The following LRMDA variants were observed in gnomAD, a reference collection of about 807,000 sequenced individuals.
LRMDA encodes leucine-rich melanocyte differentiation-associated protein.
Under a neutral mutation model 29.8 loss-of-function variants are expected in LRMDA, and 18 were observed. The ratio of observed to expected loss-of-function variants is 0.60; its 90% CI spans 0.42 to 0.90. LRMDA has a LOEUF of 0.90. LRMDA is among the 40% of genes least tolerant of loss of function. LRMDA has a pLI of 0.00. For missense variants in LRMDA, 273 were observed against 273.9 expected (o/e 1.00, Z 0.02); for synonymous variants, 125 against 109.4 (o/e 1.14, Z -0.89).
At chr10:76,261,936 A>G (rs1425126488) in intron 5 of LRMDA, among the ~76,000 whole-genome samples, 2 of 152,206 alleles carry the variant, frequency 1.3e-5, no homozygotes, top group Non-Finnish European at 2.9e-5. Flanking sequence ...TTAGTGGGGA[A>G]GAAAATTGTT....
chr10:75,531,827 A>G (rs1269521833), intron 2 of LRMDA, among the ~76,000 whole-genome samples: 1 of 151,788 alleles, frequency 6.6e-6, no homozygotes, highest in Non-Finnish European at 1.5e-5. Context: ...TAATCCCAGC[A>G]CTTTGTGGGG....
Position 75,589,764 on chromosome 10 carries a change from A to AT in LRMDA, c.131+151270_131+151271insT, listed in dbSNP as rs1367449897. On this transcript the variant is annotated intron_variant, in intron 2 of 6. Coordinates refer to ENST00000611255, the MANE Select transcript of LRMDA (RefSeq NM_001305581.2). ...GGGAGATAGAGACCCTGTCTAAAAA[A>AT]AATATATATATATAGAGAGAGAGAG... Among the ~76,000 whole-genome samples the AT allele has an allele frequency of 4.2e-4, 36 of 86,520 alleles. 1 individual carries two copies. The East Asian group carries it at 7.1e-3, about 17-fold the overall frequency. The allele number at this position is 86,520 out of a possible 152,430, so 56.8% of individuals were successfully genotyped here. A position where few individuals can be genotyped will look rare whatever the true frequency, so the allele number is the denominator to read the frequency against.
At chr10:76,315,408 C>G (rs1187057904) in intron 5 of LRMDA, among the ~76,000 whole-genome samples, 1 of 152,218 alleles carries the variant, frequency 6.6e-6, no homozygotes, top group South Asian at 2.1e-4. Flanking sequence ...AGCCCCTGCC[C>G]CAGCGGGCTT....
At chr10:75,836,129 G>T (rs1844431985) in intron 2 of LRMDA, among the ~76,000 whole-genome samples, 1 of 152,184 alleles carries the variant, frequency 6.6e-6, no homozygotes, top group Non-Finnish European at 1.5e-5. Flanking sequence ...GTTCTCTAGG[G>T]TGGAAGTTAT....
At chr10:76,199,869 A>T (rs969590252) in intron 5 of LRMDA, among the ~76,000 whole-genome samples, 1 of 152,234 alleles carries the variant, frequency 6.6e-6, no homozygotes, top group African/African-American at 2.4e-5. Flanking sequence ...TGTGATGCAC[A>T]TTGAAACCTC....
At chr10:75,949,164 A>G (rs991335236) in intron 2 of LRMDA, among the ~76,000 whole-genome samples, 1 of 152,206 alleles carries the variant, frequency 6.6e-6, no homozygotes, top group African/African-American at 2.4e-5. Context: ...AAAAGACCTT[A>G]GGTGAGTTGG....
intron 2 of LRMDA, among the ~76,000 whole-genome samples, chr10:75,765,367 G>A (rs747417417): frequency 1.3e-4 from 20 of 152,136 alleles, no homozygotes; most frequent in Admixed American, 7.2e-4. Context: ...CTTTATTCAG[G>A]CAGCTCAGCA....
chr10:75,617,869 G>A (rs1489687899), intron 2 of LRMDA, among the ~76,000 whole-genome samples: 1 of 152,218 alleles, frequency 6.6e-6, no homozygotes, highest in Non-Finnish European at 1.5e-5. Context: ...CTAGGGTGGA[G>A]TAAGCAGTAG....
At chr10:75,830,785 C>G (rs1023435188) in intron 2 of LRMDA, among the ~76,000 whole-genome samples, 2 of 152,186 alleles carry the variant, frequency 1.3e-5, no homozygotes, top group African/African-American at 4.8e-5. Context: ...CATTTCAAAG[C>G]CAACCATGCC....
intron 2 of LRMDA, among the ~76,000 whole-genome samples, chr10:75,644,222 C>T (rs1841488243): frequency 6.6e-6 from 1 of 152,112 alleles, no homozygotes; most frequent in Admixed American, 6.5e-5. Flanking sequence ...AAATCATCAC[C>T]TTTGGCAGTG....
intron 6 of LRMDA, among the ~76,000 whole-genome samples, chr10:76,374,979 C>T (rs1035624105): frequency 1.3e-5 from 2 of 152,156 alleles, no homozygotes; most frequent in African/African-American, 4.8e-5. Flanking sequence ...TAAAAACAAG[C>T]TAGATTTAGC....
chr10:75,820,200 C>G (rs1451692499), intron 2 of LRMDA, among the ~76,000 whole-genome samples: 1 of 152,202 alleles, frequency 6.6e-6, no homozygotes, highest in East Asian at 1.9e-4. Flanking sequence ...ACCACAGAAT[C>G]TACATTCTTT....
intron 5 of LRMDA, among the ~76,000 whole-genome samples, chr10:76,320,412 C>CT (rs1201309091): frequency 4.6e-5 from 7 of 152,134 alleles, no homozygotes; most frequent in Non-Finnish European, 7.4e-5. Context: ...CCATCATCTG[C>CT]TTTTTTCTAT....
chr10:76,129,596 C>T (rs1954978864), intron 5 of LRMDA, among the ~76,000 whole-genome samples: 1 of 152,116 alleles, frequency 6.6e-6, no homozygotes, highest in African/African-American at 2.4e-5. Context: ...ATACCCAGAA[C>T]CACTGTTCAC....
At chr10:75,491,610 T>C (rs1844988254) in intron 2 of LRMDA, among the ~76,000 whole-genome samples, 1 of 152,174 alleles carries the variant, frequency 6.6e-6, no homozygotes, top group African/African-American at 2.4e-5. Context: ...TAAAAGGCCT[T>C]GTCAGTGGCT....
At chr10:75,682,455 GACAC>G (rs144026201) in intron 2 of LRMDA, among the ~76,000 whole-genome samples, 3 of 151,068 alleles carry the variant, frequency 2.0e-5, no homozygotes, top group East Asian at 3.9e-4. Context: ...GTGTGAGACA[GACAC>G]ACACACACAC....
At chr10:76,370,173 C>T (rs1211624487) in intron 6 of LRMDA, among the ~76,000 whole-genome samples, 3 of 151,960 alleles carry the variant, frequency 2.0e-5, no homozygotes, top group Non-Finnish European at 2.9e-5. Context: ...AAGAATTCCT[C>T]GTACACAAGA....
intron 5 of LRMDA, among the ~76,000 whole-genome samples, chr10:76,240,861 C>T (rs201109195): frequency 5.6e-4 from 68 of 122,358 alleles, no homozygotes; most frequent in African/African-American, 1.6e-3. Context: ...TATATATATA[C>T]ATATATATAT....
chr10:76,359,067 T>C (rs1208553212), intron 6 of LRMDA, among the ~76,000 whole-genome samples: 1 of 152,116 alleles, frequency 6.6e-6, no homozygotes, highest in Non-Finnish European at 1.5e-5. Context: ...CTAGGGCTCC[T>C]GTGACAGTCA....
Sources: gnomAD v4.1 joint callset for allele counts (sites outside exome capture counted in the v4.1 genomes callset) on GRCh38, gnomAD v4.1.1 for gene constraint, MANE v1.5 for transcripts, NCBI Gene and HGNC (gene_info 2026-07-23, HGNC 2026-07-21) for gene names.